PLCZ1: variants seen among roughly 807,000 people sequenced by gnomAD.
The protein encoded by PLCZ1 is 1-phosphatidylinositol 4,5-bisphosphate phosphodiesterase zeta-1.
A neutral mutation model predicts 76.8 loss-of-function variants in PLCZ1; 64 were observed. The ratio of observed to expected loss-of-function variants is 0.83; its 90% CI spans 0.68 to 1.03. The LOEUF is 1.03. PLCZ1 is among the 50% of genes least tolerant of loss of function. PLCZ1 has a pLI of 0.00. For synonymous variants in PLCZ1, 248 were observed against 230.8 expected, an observed-to-expected ratio of 1.07 and a Z score of -0.68; for missense variants, 751 against 713.7, an observed-to-expected ratio of 1.05 and a Z score of -0.60.
chr12:18,665,176 A>T, the PLCZ1 span, among the ~76,000 whole-genome samples: 1 of 150,268 alleles, frequency 6.7e-6, no homozygotes, highest in Non-Finnish European at 1.5e-5. Context: ...AAAATAAAAA[A>T]AAATTAAAAA....
chr12:18,688,657 C>T (rs1953563753), intron 12 of PLCZ1, among the ~76,000 whole-genome samples: 1 of 151,678 alleles, frequency 6.6e-6, no homozygotes, highest in Admixed American at 6.6e-5. Flanking sequence ...CTGAGTTTCA[C>T]AAAATCAGTT....
At chr12:18,655,293 C>T in the PLCZ1 span, among the ~76,000 whole-genome samples, 1 of 152,162 alleles carries the variant, frequency 6.6e-6, no homozygotes, top group African/African-American at 2.4e-5. Context: ...CCCAAAGACA[C>T]AGGAGCCAAC....
chr12:18,730,351 C>CCTT (rs1958974250), intron 3 of PLCZ1, among the ~76,000 whole-genome samples: 1 of 152,044 alleles, frequency 6.6e-6, no homozygotes, highest in Non-Finnish European at 1.5e-5. Flanking sequence ...AAGGATTCTA[C>CCTT]TTAATCAACA....
chr12:18,712,447 A>G (rs1957451397), intron 6 of PLCZ1, among the ~76,000 whole-genome samples: 1 of 152,208 alleles, frequency 6.6e-6, no homozygotes. Flanking sequence ...AAATGTCAGC[A>G]ATTGAAATGA....
intron 5 of PLCZ1, among the ~76,000 whole-genome samples, chr12:18,715,110 T>G (rs953848287): frequency 1.0e-4 from 14 of 138,698 alleles, no homozygotes; most frequent in African/African-American, 3.5e-4. Context: ...ATAAAACAAT[T>G]ATAACACTAA....
At chr12:18,718,230 C>G (rs1272665181) in intron 5 of PLCZ1, among the ~76,000 whole-genome samples, 4 of 152,118 alleles carry the variant, frequency 2.6e-5, no homozygotes, top group Non-Finnish European at 4.4e-5. Context: ...ATCTGTATCT[C>G]AAATTCAACT....
At chr12:18,708,496 G>A (rs1207089950) in intron 6 of PLCZ1, among the ~76,000 whole-genome samples, 1 of 152,128 alleles carries the variant, frequency 6.6e-6, no homozygotes, top group Non-Finnish European at 1.5e-5. Flanking sequence ...TTATGAGATG[G>A]TTATTTAATT....
intron 6 of PLCZ1, among the ~76,000 whole-genome samples, chr12:18,708,112 T>C (rs1956842128): frequency 6.6e-6 from 1 of 152,214 alleles, no homozygotes; most frequent in Non-Finnish European, 1.5e-5. Context: ...ATGTCTAGAC[T>C]TTTTCATCCT....
intron 3 of PLCZ1, among the ~76,000 whole-genome samples, chr12:18,731,588 T>G (rs1053547515): frequency 2.3e-4 from 32 of 140,394 alleles, no homozygotes; most frequent in African/African-American, 8.2e-4. Context: ...CCAGCTTCCA[T>G]GGAGCTACAT....
the PLCZ1 span, among the ~76,000 whole-genome samples, chr12:18,671,144 A>T: frequency 2.6e-5 from 4 of 151,102 alleles, no homozygotes; most frequent in African/African-American, 9.7e-5. Context: ...AGCCGAAATC[A>T]GGCCATTGCC....
At chr12:18,699,118 G>T (rs540019922) in intron 10 of PLCZ1, among the ~76,000 whole-genome samples, 5 of 152,268 alleles carry the variant, frequency 3.3e-5, no homozygotes, top group Admixed American at 3.3e-4. Context: ...TAGAGGCAGT[G>T]AAAGGAAGAT....
intron 5 of PLCZ1, among the ~76,000 whole-genome samples, chr12:18,713,197 T>G (rs1200521263): frequency 6.6e-6 from 1 of 152,104 alleles, no homozygotes. Flanking sequence ...AGTACAATAC[T>G]GTGTCTTTCT....
the PLCZ1 span, among the ~76,000 whole-genome samples, chr12:18,660,059 C>A: frequency 8.9e-4 from 135 of 152,264 alleles, no homozygotes; most frequent in Middle Eastern, 3.4e-3. Flanking sequence ...TCCCCTCCAA[C>A]AGAACAATTA....
chr12:18,654,605 GA>G, the PLCZ1 span, among the ~76,000 whole-genome samples: 2 of 152,148 alleles, frequency 1.3e-5, no homozygotes, highest in African/African-American at 4.8e-5. Context: ...AAAATATTTG[GA>G]AAATTTGTGG....
the PLCZ1 span, among the ~76,000 whole-genome samples, chr12:18,655,218 A>G: frequency 6.6e-6 from 1 of 152,202 alleles, no homozygotes. Context: ...TATCAGAAAC[A>G]TCAACTGCAG....
rs756804721 is a variant in PLCZ1, at chr12:18,699,835, G to A, written c.1133C>T (p.Ser378Phe). ...RLYQQFNENN[S>F]IGETQARKLS... Reference sequence around the variant, plus strand: ...TTTTCGGGCTTGTGTCTCCCCAATAGAATTATTTTCATTAAATTGCTGATA... The same window carrying A: ...TTTTCGGGCTTGTGTCTCCCCAATAAAATTATTTTCATTAAATTGCTGATA... The change falls in exon 10 of 15, where the codon TCT becomes TTT. Residue 378 changes from serine (S) to phenylalanine (F), a missense_variant. Ser to Phe is a radical substitution (Grantham distance 155). Transcript: ENST00000266505. 2 of 1,613,230 alleles carry A rather than the reference G, an allele frequency of 1.2e-6. No homozygotes were observed. Among genetic ancestry groups the A allele is most frequent in the Non-Finnish European group, 1.7e-6 (2 of 1,179,674 alleles).
chr12:18,705,072 A>G (rs1157815173), intron 7 of PLCZ1, 94 bp downstream of exon 7: 11 of 1,473,646 alleles, frequency 7.5e-6, no homozygotes, highest in African/African-American at 2.8e-5. Flanking sequence ...AAGCATTTTC[A>G]TTGGTCTCTA....
At chr12:18,653,254 A>G in the PLCZ1 span, among the ~76,000 whole-genome samples, 2 of 152,190 alleles carry the variant, frequency 1.3e-5, no homozygotes, top group Admixed American at 6.5e-5. Flanking sequence ...AGCCATCATT[A>G]GTCACATATT....
chr12:18,718,310 C>A (rs1004917675), intron 5 of PLCZ1, among the ~76,000 whole-genome samples: 17 of 152,240 alleles, frequency 1.1e-4, no homozygotes, highest in Admixed American at 1.0e-3. Context: ...ACACCATCTT[C>A]CCAAATCATC....
Sources: gnomAD v4.1 joint callset for allele counts (sites outside exome capture counted in the v4.1 genomes callset) on GRCh38, gnomAD v4.1.1 for gene constraint, MANE v1.5 for transcripts, NCBI Gene and HGNC (gene_info 2026-07-23, HGNC 2026-07-21) for gene names.